Variants in CLASP2 observed in about 807,000 individuals in gnomAD.
CLASP2 encodes CLIP-associating protein 2.
In CLASP2, 47 loss-of-function variants were observed where a neutral mutation model predicts 194.4. The ratio of observed to expected loss-of-function variants is 0.24; its 90% CI spans 0.19 to 0.31. The LOEUF (loss-of-function observed/expected upper bound fraction) is 0.31, where lower values mean the gene tolerates loss of function less well. Ranked by LOEUF, CLASP2 falls within the 10% of genes least tolerant of loss-of-function variation. CLASP2 has a pLI of 1.00. For missense variants in CLASP2, 1,445 were observed against 1,823.6 expected, an observed-to-expected ratio of 0.79 and a Z score of 3.78; for synonymous variants, 619 against 633.5, an observed-to-expected ratio of 0.98 and a Z score of 0.34.
intron 1 of CLASP2, among the ~76,000 whole-genome samples, chr3:33,708,284 C>CA (rs1553688976): frequency 2.1e-5 from 3 of 140,660 alleles, no homozygotes; most frequent in Admixed American, 7.2e-5. Flanking sequence ...ATAAATTTGA[C>CA]TTTTTTTTTT....
chr3:33,574,833 GT>G (rs2064496920), intron 24 of CLASP2, among the ~76,000 whole-genome samples: 1 of 152,250 alleles, frequency 6.6e-6, no homozygotes, highest in African/African-American at 2.4e-5. Flanking sequence ...TAGCTGGAAA[GT>G]TTTTTCCTAA....
At chr3:33,583,998 C>T (rs1379751427) in intron 22 of CLASP2, among the ~76,000 whole-genome samples, 2 of 152,256 alleles carry the variant, frequency 1.3e-5, no homozygotes, top group African/African-American at 2.4e-5. Flanking sequence ...AATCTTCAAA[C>T]TTAACTAATA....
intron 1 of CLASP2, among the ~76,000 whole-genome samples, chr3:33,714,552 C>T (rs2093198203): frequency 6.6e-6 from 1 of 152,176 alleles, no homozygotes; most frequent in African/African-American, 2.4e-5. Context: ...TTTCTTTCAA[C>T]CCTCAAACCC....
At chr3:33,592,077 T>A (rs1013766588) in intron 21 of CLASP2, 2 of 624,142 alleles carry the variant, frequency 3.2e-6, no homozygotes, top group Non-Finnish European at 5.8e-6. Flanking sequence ...AAAGTTTGTA[T>A]GGCAAATGAA....
intron 21 of CLASP2, among the ~76,000 whole-genome samples, chr3:33,591,480 G>C (rs919020734): frequency 6.6e-6 from 1 of 151,322 alleles, no homozygotes; most frequent in Non-Finnish European, 1.5e-5. Context: ...AGGCAGTGGC[G>C]CAAGCCTGTG....
At chr3:33,681,759 A>T (rs534037606) in intron 6 of CLASP2, among the ~76,000 whole-genome samples, 1 of 152,320 alleles carries the variant, frequency 6.6e-6, no homozygotes, top group East Asian at 1.9e-4. Context: ...TATGGTTTGA[A>T]TTTGATCCCT....
Position 33,544,850 on chromosome 3 carries a change from C to A in CLASP2, c.3154-9G>T, listed in dbSNP as rs1307245457. On this transcript the variant is annotated splice_polypyrimidine_tract_variant and intron_variant, in intron 30 of 38. Transcript: ENST00000682230. ...AGCACTGACTGTGCTGCCTAAAAAA[C>A]AAAGGCATACAGTAGATGAATATAT... The A allele has an allele frequency of 2.5e-6, 4 of 1,596,038 alleles. No homozygotes were observed. In the East Asian group the frequency reaches 6.8e-5, roughly 27 times the overall value.
chr3:33,557,892 A>T (rs1338478142), intron 29 of CLASP2, among the ~76,000 whole-genome samples: 1 of 152,200 alleles, frequency 6.6e-6, no homozygotes, highest in Non-Finnish European at 1.5e-5. Context: ...CATTCAGAAA[A>T]CTGACTCCCA....
At chr3:33,501,909 T>A in intron 37 of CLASP2, 141 bp from the exon 38 acceptor site, 1 of 615,540 alleles carries the variant, frequency 1.6e-6, no homozygotes, top group Non-Finnish European at 2.9e-6. Flanking sequence ...GTTAACTTTT[T>A]AACCTTTTCA....
At chr3:33,680,522 A>G (rs2089635333) in intron 6 of CLASP2, among the ~76,000 whole-genome samples, 1 of 152,244 alleles carries the variant, frequency 6.6e-6, no homozygotes, top group African/African-American at 2.4e-5. Flanking sequence ...CTAAAAATAA[A>G]GTCTAGCCAG....
At chr3:33,500,990 C>T (rs1307012342) in intron 38 of CLASP2, among the ~76,000 whole-genome samples, 2 of 152,164 alleles carry the variant, frequency 1.3e-5, no homozygotes, top group African/African-American at 2.4e-5. Flanking sequence ...AAGTGATCCT[C>T]CCACCTCGGC....
chr3:33,586,695 A>G (rs918593316), intron 21 of CLASP2, among the ~76,000 whole-genome samples: 3 of 152,208 alleles, frequency 2.0e-5, no homozygotes, highest in African/African-American at 7.2e-5. Flanking sequence ...AAAGTAACAG[A>G]AAAACTAAAG....
intron 1 of CLASP2, among the ~76,000 whole-genome samples, chr3:33,717,180 CCTAT>C (rs1170892841): frequency 6.6e-6 from 1 of 152,194 alleles, no homozygotes; most frequent in Non-Finnish European, 1.5e-5. Flanking sequence ...ATCCTAATGT[CCTAT>C]CTGTTGGTCT....
rs1305633067 is a variant in CLASP2, at chr3:33,606,598, T to C, written c.1687A>G (p.Ser563Gly). ...TTATTTATATGACCTTACTTGAGAC[T>C]TTCCTGTGAGCTGGATGAGGACCTG... is the stretch of plus-strand genomic sequence containing the variant. ...SDRSSSSSQE[S>G]LNRPFSSKWS... The change falls in exon 16 of 39, where the codon AGT becomes GGT. Residue 563 changes from serine (S) to glycine (G), a missense_variant. By Grantham distance (56) the Ser-to-Gly change is moderately conservative (BLOSUM62 0). Around this residue, in one of 4 missense-constraint regions of CLASP2, gnomAD observed 174 missense variants for 179.0 expected, o/e 0.97. Coordinates refer to ENST00000682230, the MANE Select transcript of CLASP2 (RefSeq NM_001365631.1). 1.2e-6 allele frequency: 2 copies of C among 1,612,820 alleles called. No individual in the cohort carries two copies. Among genetic ancestry groups the C allele is most frequent in the African/African-American group, 1.3e-5 (1 of 74,984 alleles).
At chr3:33,621,108 GTC>G (rs1291863772) in intron 11 of CLASP2, among the ~76,000 whole-genome samples, 3 of 151,164 alleles carry the variant, frequency 2.0e-5, no homozygotes, top group African/African-American at 7.3e-5. Context: ...TGAAACTCTA[GTC>G]TCTGTTTCCT....
chr3:33,687,202 A>G lies in CLASP2; in HGVS notation c.471-67T>C, dbSNP rs1312680253. 6 of 955,060 alleles carry G rather than the reference A, an allele frequency of 6.3e-6. No homozygotes were observed. The Admixed American group carries it at 9.5e-5, about 15-fold the overall frequency. The allele number at this position is 955,060 out of a possible 1,614,324, so 59.2% of individuals were successfully genotyped here. On this transcript the variant is annotated intron_variant, in intron 4 of 38. Coordinates refer to ENST00000682230, the MANE Select transcript of CLASP2 (RefSeq NM_001365631.1). ...AATAAACAGTAAACAAAATATCCTT[A>G]TACCTTCTTGTCTGTAGCAATATAA...
intron 19 of CLASP2, among the ~76,000 whole-genome samples, chr3:33,595,439 T>C (rs1036728938): frequency 1.3e-5 from 2 of 152,056 alleles, no homozygotes; most frequent in Non-Finnish European, 2.9e-5. Context: ...AGGCCTCACT[T>C]GCCCATTTTT....
intron 23 of CLASP2, among the ~76,000 whole-genome samples, chr3:33,578,696 G>T (rs1039778421): frequency 6.6e-6 from 1 of 152,110 alleles, no homozygotes; most frequent in Admixed American, 6.6e-5. Flanking sequence ...AAAATGATGA[G>T]GAGGAGTTGA....
chr3:33,680,632 G>C (rs957974539), intron 6 of CLASP2, among the ~76,000 whole-genome samples: 3 of 151,976 alleles, frequency 2.0e-5, no homozygotes, highest in Non-Finnish European at 4.4e-5. Flanking sequence ...AACATAGGGA[G>C]ACCCTGTCTC....
Sources: gnomAD v4.1 joint callset for allele counts (sites outside exome capture counted in the v4.1 genomes callset) on GRCh38, gnomAD v4.1.1 for gene constraint, gnomAD v4.1.1 regional missense constraint, MANE v1.5 for transcripts, NCBI Gene and HGNC (gene_info 2026-07-23, HGNC 2026-07-21) for gene names.